The following SKA3 variants were observed in gnomAD, a reference collection of about 807,000 sequenced individuals.
SKA3 encodes the protein spindle and kinetochore-associated protein 3.
In SKA3, 39 loss-of-function variants were observed where a neutral mutation model predicts 44.2. The ratio of observed to expected loss-of-function variants is 0.88; its 90% confidence interval spans 0.68 to 1.15. The LOEUF is 1.15. Ranked by LOEUF, SKA3 falls within the 50% of genes most tolerant of loss-of-function variation. SKA3 has a pLI of 0.00. For synonymous variants in SKA3, 192 were observed against 172.0 expected, an observed-to-expected ratio of 1.12 and a Z score of -0.91; for missense variants, 511 against 485.8, an observed-to-expected ratio of 1.05 and a Z score of -0.49.
rs1870211182 is a variant in SKA3 at position 21,157,953 on chromosome 13, TC to T, written c.1087del (p.Glu363LysfsTer2). 1.9e-6 allele frequency: 3 copies of T among 1,611,216 alleles called. No homozygotes were observed. The highest frequency in any genetic ancestry group is 1.3e-5 in the African/African-American group (1 of 74,748). On this transcript the variant is annotated frameshift_variant, in exon 7 of 9. Coordinates refer to ENST00000314759, the MANE Select transcript of SKA3 (RefSeq NM_145061.6). LOFTEE classifies it high-confidence loss of function. ...ENLLRTPTPPEVTKIPEDILQ... is the reference protein window; with the variant it reads ...ENLLRTPTPPXVTKIPEDILQ... Reference sequence around the variant, plus strand: ...AATATCTTCTGGAATTTTAGTTACTTCCGGAGGTGTAGGTGTTCTGAGCAGA... The same window carrying T: ...AATATCTTCTGGAATTTTAGTTACTTCGGAGGTGTAGGTGTTCTGAGCAGA...
At chr13:21,157,636 G>C (rs1190585599) in intron 7 of SKA3, among the ~76,000 whole-genome samples, 1 of 152,128 alleles carries the variant, frequency 6.6e-6, no homozygotes, top group Non-Finnish European at 1.5e-5. Context: ...AGAAACACTG[G>C]TATGTTATTC....
Position 21,154,896 on chromosome 13 carries a change from G to T in SKA3, c.*254C>A. The T allele has an allele frequency of 1.7e-6, 1 of 594,438 alleles. No individual in the cohort carries two copies. Among genetic ancestry groups the T allele is most frequent in the Non-Finnish European group, 2.9e-6 (1 of 343,100 alleles). 36.8% of individuals were successfully genotyped at this position (594,438 alleles called of 1,614,324 possible). ...TTAAACCATTCTGTTGATTAAGCTG[G>T]GTAATTTAGTATCAATGAAACACTA... On this transcript the variant is annotated 3_prime_UTR_variant, in exon 9 of 9. Coordinates refer to ENST00000314759, the MANE Select transcript of SKA3 (RefSeq NM_145061.6).
chr13:21,158,911 T>C lies in SKA3; in HGVS notation c.916-786A>G, dbSNP rs905996859. On this transcript the variant is annotated intron_variant, in intron 6 of 8. Coordinates refer to ENST00000314759, the MANE Select transcript of SKA3 (RefSeq NM_145061.6). ...GAGAGACGATAGAGTGTCACCTCAG[T>C]AGGGTACCTTCCACGTGAACATAAG... 3.3e-5 allele frequency among the ~76,000 whole-genome samples: 5 copies of C among 152,080 alleles called. No individual in the cohort carries two copies. The South Asian group carries it at 1.0e-3, about 32-fold the overall frequency.
At chr13:21,176,323 T>A (rs1871520139) in intron 1 of SKA3, 52 bp downstream of exon 1, 2 of 1,308,122 alleles carry the variant, frequency 1.5e-6, no homozygotes, top group Non-Finnish European at 9.9e-7. Context: ...GCCACGCCCC[T>A]CCGCCCGCGG....
intron 8 of SKA3, 56 bp downstream of exon 8, chr13:21,155,637 T>G: frequency 1.1e-6 from 1 of 917,170 alleles, no homozygotes; most frequent in African/African-American, 1.7e-5. Context: ...ATGTTAATTT[T>G]TAAATGTCCT....
intron 1 of SKA3, among the ~76,000 whole-genome samples, chr13:21,173,290 CTT>C (rs1871181165): frequency 6.6e-6 from 1 of 152,110 alleles, no homozygotes; most frequent in Non-Finnish European, 1.5e-5. Flanking sequence ...GAGTTTCGCT[CTT>C]GTTGCCCAGG....
chr13:21,167,942 G>A, intron 4 of SKA3, 46 bp downstream of exon 4: 1 of 1,208,696 alleles, frequency 8.3e-7, no homozygotes, highest in Non-Finnish European at 1.1e-6. Flanking sequence ...AAATACAAAA[G>A]GTTTAGAAAG....
At position 21,173,034 on chromosome 13, in the gene SKA3, C is replaced by T. The variant is rs570363547; in HGVS notation, c.104-353G>A. Among the ~76,000 whole-genome samples, 10 of 152,266 alleles carry T rather than the reference C, an allele frequency of 6.6e-5. 1 individual carries two copies. In the South Asian group the frequency reaches 2.1e-3, roughly 32 times the overall value. ...TGATGTTCGCACAATAACAAAATTG[C>T]CTAACGTTGCTCAGAATGTATCCCC... On this transcript the variant is annotated intron_variant, in intron 1 of 8. Transcript: ENST00000314759.
chr13:21,156,109 C>A (rs1221347447), intron 7 of SKA3, among the ~76,000 whole-genome samples: 3 of 151,374 alleles, frequency 2.0e-5, no homozygotes, highest in Non-Finnish European at 4.4e-5. Context: ...ATTACTTGAA[C>A]CCCAGAGGCG....
chr13:21,168,782 C>T (rs1273173737), intron 3 of SKA3, among the ~76,000 whole-genome samples: 1 of 152,002 alleles, frequency 6.6e-6, no homozygotes, highest in Admixed American at 6.6e-5. Flanking sequence ...CCTGCCTTGG[C>T]CCCCCAAAGT....
intron 5 of SKA3, 26 bp from the exon 6 acceptor site, chr13:21,160,013 A>G (rs1342942396): frequency 8.8e-7 from 1 of 1,140,718 alleles, no homozygotes; most frequent in Admixed American, 2.8e-5. Context: ...AATGGTCATT[A>G]AAAAACTATA....
Position 21,155,762 on chromosome 13 carries a change from G to A in SKA3, c.1169C>T (p.Ala390Val). ...AAGGAACCTTTTACTGGGTGGCACT[G>A]CTTTAATTGCTATTGGAGTAGCTAG... Reference protein sequence around the residue: ...SNLATPIAIKAVPPSKRFLKH... With the variant: ...SNLATPIAIKVVPPSKRFLKH... The change falls in exon 8 of 9, where the codon GCA becomes GTA. Residue 390 changes from alanine to valine, a missense_variant. Transcript: ENST00000314759. The A allele has an allele frequency of 6.2e-7, 1 of 1,609,060 alleles. No individual in the cohort carries two copies. The highest frequency in any genetic ancestry group is 8.5e-7 in the Non-Finnish European group (1 of 1,177,268).
rs1233020663 is a variant in SKA3, at chr13:21,161,705, G to A, written c.829+85C>T. 3 of 712,060 alleles carry A rather than the reference G, an allele frequency of 4.2e-6. No individual in the cohort carries two copies. The East Asian group carries it at 1.3e-4, about 32-fold the overall frequency. 44.1% of individuals were successfully genotyped at this position (712,060 alleles called of 1,614,324 possible). On this transcript the variant is annotated intron_variant, in intron 5 of 8. Transcript: ENST00000314759. ...ATTAAACAGATGAAGAAAACTATTA[G>A]AATGTCTAAGATGATGAAATCAATT...
intron 6 of SKA3, among the ~76,000 whole-genome samples, chr13:21,158,624 C>T (rs980706861): frequency 6.6e-6 from 1 of 151,864 alleles, no homozygotes; most frequent in Non-Finnish European, 1.5e-5. Context: ...CCGTCACAAA[C>T]AAAACAAAAC....
In SKA3 at chr13:21,154,501, G is replaced by A. The variant is rs1332567686; in HGVS notation, c.*649C>T. 6.5e-6 allele frequency: 1 copy of A among 153,336 alleles called. No individual in the cohort carries two copies. The highest frequency in any genetic ancestry group is 1.5e-5 in the Non-Finnish European group (1 of 68,878). The allele number at this position is 153,336 out of a possible 1,614,324, so 9.5% of individuals were successfully genotyped here. On this transcript the variant is annotated 3_prime_UTR_variant, in exon 9 of 9. Transcript: ENST00000314759. Reference sequence around the variant, plus strand: ...CATGTGATAGAAAGAGCTGACATAAGAGAAAAGACCCCCACACAGTGAAAA... The same window carrying A: ...CATGTGATAGAAAGAGCTGACATAAAAGAAAAGACCCCCACACAGTGAAAA...
chr13:21,156,782 C>CAAACACTGTAACTCCTATTAAGGA (rs1451588032), intron 7 of SKA3, among the ~76,000 whole-genome samples: 60 of 3,940 alleles, frequency 0.015, 8 homozygotes, highest in South Asian at 0.026. Context: ...ACACGTGGGC[C>CAAACACTGTAACTCCTATTAAGGA]GGGCGCGGTG....
At chr13:21,170,826 A>AT (rs1424817119) in intron 3 of SKA3, among the ~76,000 whole-genome samples, 1 of 152,228 alleles carries the variant, frequency 6.6e-6, no homozygotes, top group Non-Finnish European at 1.5e-5. Context: ...TGGAGCCCGT[A>AT]TTTGAATCTG....
chr13:21,160,349 A>G (rs1362105103), intron 5 of SKA3, among the ~76,000 whole-genome samples: 1 of 152,154 alleles, frequency 6.6e-6, no homozygotes, highest in Non-Finnish European at 1.5e-5. Flanking sequence ...GGCAGGACTT[A>G]CTCCAAAGGT....
chr13:21,175,556 G>A (rs1298849419), intron 1 of SKA3, among the ~76,000 whole-genome samples: 7 of 152,198 alleles, frequency 4.6e-5, no homozygotes, highest in African/African-American at 1.7e-4. Flanking sequence ...GATTACAGGC[G>A]TGAGCCACCG....
Sources: gnomAD v4.1 joint callset for allele counts (sites outside exome capture counted in the v4.1 genomes callset) on GRCh38, gnomAD v4.1.1 for gene constraint, MANE v1.5 for transcripts, NCBI Gene and HGNC (gene_info 2026-07-23, HGNC 2026-07-21) for gene names.